The following GCNT4 variants were observed in gnomAD, a reference collection of about 807,000 sequenced individuals.
The protein encoded by GCNT4 is beta-1,3-galactosyl-O-glycosyl-glycoprotein beta-1,6-N-acetylglucosaminyltransferase 4.
A neutral mutation model predicts 31.3 loss-of-function variants in GCNT4; 17 were observed. The observed-to-expected ratio is 0.54, with a 90% CI of 0.37 to 0.81. The LOEUF is 0.81. GCNT4 is among the 40% of genes least tolerant of loss of function. The pLI is 0.00. For missense variants in GCNT4, 503 were observed against 525.5 expected, an observed-to-expected ratio of 0.96 and a Z score of 0.42; for synonymous variants, 158 against 190.6, an observed-to-expected ratio of 0.83 and a Z score of 1.41.
intron 3 of GCNT4, among the ~76,000 whole-genome samples, chr5:75,033,679 T>TA (rs201595530): frequency 0.05 from 6,274 of 126,686 alleles, 367 homozygotes; most frequent in African/African-American, 0.16. Flanking sequence ...ATTTATTTTT[T>TA]TTTTTTTACT....
downstream of GCNT4, among the ~76,000 whole-genome samples, chr5:75,025,125 G>A (rs866474825): frequency 1.6e-4 from 25 of 152,182 alleles, no homozygotes; most frequent in African/African-American, 5.5e-4. Flanking sequence ...ACCTGAAGTA[G>A]GAGGAAGACA....
Position 75,028,196 on chromosome 5 carries a change from T to C in GCNT4, c.*480A>G, listed in dbSNP as rs1478681200. 2 of 154,272 alleles carry C rather than the reference T, an allele frequency of 1.3e-5. No individual in the cohort carries two copies. Among genetic ancestry groups the C allele is most frequent in the African/African-American group, 4.8e-5 (2 of 41,450 alleles). 9.6% of individuals were successfully genotyped at this position (154,272 alleles called of 1,614,324 possible). A position where few individuals can be genotyped will look rare whatever the true frequency, so the allele number is the denominator to read the frequency against. On this transcript the variant is annotated 3_prime_UTR_variant, in exon 4 of 4. Coordinates refer to ENST00000652361, the MANE Select transcript of GCNT4 (RefSeq NM_001366737.1). The stretch of plus-strand genomic sequence containing the variant: ...CTGCTCTGATGGTTAAGAAATGTCT[T>C]GAAAGCTGAGTTAAGAGACAAGTGG...
chr5:75,018,244 C>T, the GCNT4 span, among the ~76,000 whole-genome samples: 2 of 152,102 alleles, frequency 1.3e-5, no homozygotes, highest in African/African-American at 4.8e-5. Flanking sequence ...GTTGTGCCTG[C>T]TGTGAGTCAC....
At chr5:75,038,758 C>T (rs1743253888) in intron 3 of GCNT4, among the ~76,000 whole-genome samples, 1 of 152,214 alleles carries the variant, frequency 6.6e-6, no homozygotes, top group African/African-American at 2.4e-5. Flanking sequence ...CTAAAGGCCC[C>T]ACTTCTTAAT....
rs1247162768 is a variant in GCNT4, at chr5:75,027,021, T to C, written c.*1655A>G. ...ATTTAGAACACAGACATTTAAAAAA[T>C]ATGTAATACTTAAATCTTCCAAATT... On this transcript the variant is annotated 3_prime_UTR_variant, in exon 4 of 4. Coordinates refer to ENST00000652361, the MANE Select transcript of GCNT4 (RefSeq NM_001366737.1). 2 of 151,884 alleles carry C rather than the reference T, an allele frequency of 1.3e-5. No homozygotes were observed. The allele number at this position is 151,884 out of a possible 1,614,324, so 9.4% of individuals were successfully genotyped here. A position where few individuals can be genotyped will look rare whatever the true frequency, so the allele number is the denominator to read the frequency against.
chr5:75,032,175 C>T (rs1477167624), intron 3 of GCNT4, among the ~76,000 whole-genome samples: 2 of 152,164 alleles, frequency 1.3e-5, no homozygotes, highest in African/African-American at 4.8e-5. Context: ...CTCGTCTCTC[C>T]TCTGTGGACT....
intron 3 of GCNT4, among the ~76,000 whole-genome samples, chr5:75,031,079 C>T (rs966742699): frequency 4.1e-5 from 6 of 145,386 alleles, no homozygotes; most frequent in African/African-American, 1.5e-4. Flanking sequence ...CTTTTTCTCT[C>T]TTTTTTTTTT....
At chr5:75,035,946 G>C (rs59526569) in intron 3 of GCNT4, among the ~76,000 whole-genome samples, 9,271 of 152,110 alleles carry the variant, frequency 0.061, 910 homozygotes, top group African/African-American at 0.21. Context: ...GTGCACGAAG[G>C]CCTCCATGTA....
Position 75,033,664 on chromosome 5 carries a change from T to C in GCNT4, c.-1-3626A>G, listed in dbSNP as rs1251773154. On this transcript the variant is annotated intron_variant, in intron 3 of 3. Transcript: ENST00000652361. ...ACGGCCAGAAATCCCTTTATTTATT[T>C]ATTTATTTATTTTTTTTTTTTTACT... 2.7e-5 allele frequency among the ~76,000 whole-genome samples: 4 copies of C among 147,478 alleles called. 1 individual carries two copies. In the South Asian group the frequency reaches 8.5e-4, roughly 32 times the overall value.
chr5:75,041,760 T>C (rs1238161772), intron 3 of GCNT4, among the ~76,000 whole-genome samples: 3 of 152,198 alleles, frequency 2.0e-5, no homozygotes, highest in Non-Finnish European at 2.9e-5. Flanking sequence ...GTAGACTTGA[T>C]TCTGGGCTTT....
chr5:75,048,258 G>A (rs772822068), intron 2 of GCNT4, among the ~76,000 whole-genome samples: 2 of 151,950 alleles, frequency 1.3e-5, no homozygotes, highest in Non-Finnish European at 2.9e-5. Context: ...ATTGGCAAAG[G>A]ACACAAAGCT....
At chr5:75,030,266 G>A in intron 3 of GCNT4, 1 of 476,536 alleles carries the variant, frequency 2.1e-6, no homozygotes, top group South Asian at 3.3e-5. Context: ...GAGAGATGTT[G>A]GTTTCCAAAC....
At position 75,029,054 on chromosome 5, in the gene GCNT4, A is replaced by G. The variant is rs757772162; in HGVS notation, c.984T>C (p.Ser328=). 6.2e-7 allele frequency: 1 copy of G among 1,614,194 alleles called. No homozygotes were observed. Among genetic ancestry groups the G allele is most frequent in the Admixed American group, 1.7e-5 (1 of 60,024 alleles). ...GCTCATCAGGAGAGTATGTGTCTTT[A>G]GACCAGGCAAAAAAGTCTTGAACGA... ...NSIVQDFFAW[S]KDTYSPDEHF... The change falls in exon 4 of 4, where the codon TCT becomes TCC. Residue 328 remains serine, a synonymous_variant. Transcript: ENST00000652361.
chr5:75,021,560 C>G (rs1330538407), downstream of GCNT4, among the ~76,000 whole-genome samples: 1 of 152,206 alleles, frequency 6.6e-6, no homozygotes, highest in Non-Finnish European at 1.5e-5. Context: ...GTTTCTGGTT[C>G]TTTGCACTAG....
the GCNT4 span, among the ~76,000 whole-genome samples, chr5:75,019,079 C>T: frequency 1.1e-4 from 16 of 152,130 alleles, no homozygotes; most frequent in African/African-American, 3.6e-4. Flanking sequence ...CCCCCAAATT[C>T]GTATGTTGAA....
At chr5:75,048,592 G>A (rs534743315) in intron 2 of GCNT4, among the ~76,000 whole-genome samples, 1 of 152,168 alleles carries the variant, frequency 6.6e-6, no homozygotes, top group Non-Finnish European at 1.5e-5. Flanking sequence ...GACAGCATGC[G>A]AACCACAAAG....
intron 3 of GCNT4, among the ~76,000 whole-genome samples, chr5:75,041,713 G>A (rs552016847): frequency 4.6e-5 from 7 of 152,196 alleles, no homozygotes; most frequent in Non-Finnish European, 7.4e-5. Context: ...AAAAAGAAGC[G>A]CAGAATTCAG....
intron 2 of GCNT4, among the ~76,000 whole-genome samples, chr5:75,050,673 G>T (rs1743549097): frequency 1.3e-5 from 2 of 151,896 alleles, no homozygotes; most frequent in African/African-American, 4.8e-5. Flanking sequence ...CCCTGTTTCC[G>T]TAAATACCAG....
At chr5:75,043,425 T>G (rs1450796130) in intron 3 of GCNT4, among the ~76,000 whole-genome samples, 1 of 152,226 alleles carries the variant, frequency 6.6e-6, no homozygotes, top group African/African-American at 2.4e-5. Context: ...GAAACATGTC[T>G]CTTGAAAAGA....
Sources: allele counts gnomAD v4.1 joint callset (sites outside exome capture counted in the v4.1 genomes callset), GRCh38; gene constraint gnomAD v4.1.1; transcripts MANE v1.5; gene names NCBI Gene and HGNC (gene_info 2026-07-23, HGNC 2026-07-21).